Variants in IL17RA observed in about 807,000 individuals in gnomAD.
IL17RA encodes interleukin-17 receptor A.
In IL17RA, 34 loss-of-function variants were observed where a neutral mutation model predicts 50.4. The ratio of observed to expected loss-of-function variants is 0.67; its 90% CI spans 0.51 to 0.90. IL17RA has a LOEUF of 0.90. Ranked by LOEUF, IL17RA falls within the 40% of genes least tolerant of loss-of-function variation. The pLI, the probability that IL17RA is intolerant of heterozygous loss-of-function variation, is 0.00. For missense variants in IL17RA, 1,276 were observed against 1,169.8 expected, an observed-to-expected ratio of 1.09 and a Z score of -1.32; for synonymous variants, 585 against 510.4, an observed-to-expected ratio of 1.15 and a Z score of -1.97.
At position 17,098,902 on chromosome 22, in the gene IL17RA, C is replaced by T. The variant is rs1483211235; in HGVS notation, c.423+15C>T. On this transcript the variant is annotated intron_variant, in intron 4 of 12. Coordinates refer to ENST00000319363, the MANE Select transcript of IL17RA (RefSeq NM_014339.7). ...ACCACAGGCGGGTAAGAACACAGCT[C>T]CTGAGTGGATTATGTTCCACTGATG... 2.5e-6 allele frequency: 4 copies of T among 1,594,272 alleles called. No homozygotes were observed. The African/African-American group carries it at 4.0e-5, about 16-fold the overall frequency.
intron 1 of IL17RA, among the ~76,000 whole-genome samples, chr22:17,095,741 T>G (rs1326462710): frequency 6.6e-6 from 1 of 150,790 alleles, no homozygotes; most frequent in South Asian, 2.1e-4. Context: ...TGGGAACATG[T>G]GCGGAGCCCC....
chr22:17,094,675 C>CTATATATATA (rs1568917420), intron 1 of IL17RA, among the ~76,000 whole-genome samples: 9 of 49,334 alleles, frequency 1.8e-4, no homozygotes, highest in Non-Finnish European at 3.1e-4. Flanking sequence ...CTCTCTCTCT[C>CTATATATATA]TCTCTCTCTC....
chr22:17,112,310 T>G lies in IL17RA; in HGVS notation c.*2490T>G, dbSNP rs987610182. 3 of 152,240 alleles carry G rather than the reference T, an allele frequency of 2.0e-5. No individual in the cohort carries two copies. Among genetic ancestry groups the G allele is most frequent in the Non-Finnish European group, 4.4e-5 (3 of 68,068 alleles). The allele number at this position is 152,240 out of a possible 1,614,324, so 9.4% of individuals were successfully genotyped here. Reference sequence around the variant, plus strand: ...ACAGCTTTATTGGAGTACAGTTCACTTACCATACAATCCACAATTGACCCT... The same window carrying G: ...ACAGCTTTATTGGAGTACAGTTCACGTACCATACAATCCACAATTGACCCT... On this transcript the variant is annotated 3_prime_UTR_variant, in exon 13 of 13. Coordinates refer to ENST00000319363, the MANE Select transcript of IL17RA (RefSeq NM_014339.7).
At position 17,108,766 on chromosome 22, in the gene IL17RA, T is replaced by A; in HGVS notation, c.1547T>A (p.Leu516Gln). 1 of 1,610,046 alleles carries A rather than the reference T, an allele frequency of 6.2e-7. No individual in the cohort carries two copies. Among genetic ancestry groups the A allele is most frequent in the Non-Finnish European group, 8.5e-7 (1 of 1,178,494 alleles). The stretch of plus-strand genomic sequence containing the variant: ...AGCTGTGACGGCGACGTCCCCGACC[T>A]GTTCGGCGCGGCGCCGCGGTACCCG... The part of the protein sequence containing the change: ...EVSCDGDVPD[L>Q]FGAAPRYPLM... The change falls in exon 13 of 13, where the codon CTG (leucine) becomes CAG (glutamine). Residue 516 changes from leucine to glutamine, a missense_variant. Leu to Gln is a moderately radical substitution (Grantham distance 113). Transcript: ENST00000319363.
intron 1 of IL17RA, among the ~76,000 whole-genome samples, chr22:17,087,217 G>A (rs770754012): frequency 6.6e-5 from 10 of 152,238 alleles, no homozygotes; most frequent in Non-Finnish European, 1.3e-4. Flanking sequence ...ATGTGGTATA[G>A]TGAGGGGAGG....
At chr22:17,088,942 C>T (rs2061338210) in intron 1 of IL17RA, among the ~76,000 whole-genome samples, 1 of 151,786 alleles carries the variant, frequency 6.6e-6, no homozygotes, top group Non-Finnish European at 1.5e-5. Flanking sequence ...ATTACAGGTG[C>T]GCACCACCAC....
Position 17,098,765 on chromosome 22 carries a change from T to A in IL17RA, c.311-10T>A, listed in dbSNP as rs1209181037. On this transcript the variant is annotated splice_polypyrimidine_tract_variant and intron_variant, in intron 3 of 12. Transcript: ENST00000319363. ...GCATCTGTTTGTCTTCTCTTCTCCC[T>A]CTCCTGCAGCCAGCATCCTGTACCT... 3.1e-6 allele frequency: 5 copies of A among 1,611,188 alleles called. No individual in the cohort carries two copies. The highest frequency in any genetic ancestry group is 3.3e-4 in the Middle Eastern group (2 of 6,034).
At chr22:17,096,941 A>T (rs2061370518) in intron 1 of IL17RA, 121 bp from the exon 2 acceptor site, 1 of 884,610 alleles carries the variant, frequency 1.1e-6, no homozygotes, top group African/African-American at 1.6e-5. Flanking sequence ...TTCCCCAAAA[A>T]GTGAGAAGGG....
rs1314729433 is a variant in IL17RA, at chr22:17,105,617, C to G, written c.943+15C>G. On this transcript the variant is annotated intron_variant, in intron 10 of 12. Transcript: ENST00000319363. Reference sequence around the variant, plus strand: ...ACCAATTCCGGGTAAGCTTGGATCTCTCTCCGACAGCACTGCAGCCCTCAG... The same window carrying G: ...ACCAATTCCGGGTAAGCTTGGATCTGTCTCCGACAGCACTGCAGCCCTCAG... 2 of 1,613,186 alleles carry G rather than the reference C, an allele frequency of 1.2e-6. No individual in the cohort carries two copies. Among genetic ancestry groups the G allele is most frequent in the Admixed American group, 1.7e-5 (1 of 60,028 alleles).
Position 17,115,692 on chromosome 22 carries a change from C to T in IL17RA, c.*5872C>T, listed in dbSNP as rs1402307929. 6.6e-6 allele frequency: 1 copy of T among 152,202 alleles called. No homozygotes were observed. Among genetic ancestry groups the T allele is most frequent in the East Asian group, 1.9e-4 (1 of 5,204 alleles). The allele number at this position is 152,202 out of a possible 1,614,324, so 9.4% of individuals were successfully genotyped here. Reference sequence around the variant, plus strand: ...GTTAAAATAAAACCAAACAAAAACCCATGGCCTTGTTCTTCTTATTCATAC... The same window carrying T: ...GTTAAAATAAAACCAAACAAAAACCTATGGCCTTGTTCTTCTTATTCATAC... On this transcript the variant is annotated 3_prime_UTR_variant, in exon 13 of 13. Coordinates refer to ENST00000319363, the MANE Select transcript of IL17RA (RefSeq NM_014339.7).
At position 17,111,062 on chromosome 22, in the gene IL17RA, TGAGAGAGATCGGGGTGGGGGG is replaced by T. The variant is rs1364717988; in HGVS notation, c.*1243_*1263del. 2 of 102,820 alleles carry T rather than the reference TGAGAGAGATCGGGGTGGGGGG, an allele frequency of 1.9e-5. No homozygotes were observed. The highest frequency in any genetic ancestry group is 7.8e-5 in the African/African-American group (2 of 25,504). The allele number at this position is 102,820 out of a possible 1,614,324, so 6.4% of individuals were successfully genotyped here. On this transcript the variant is annotated 3_prime_UTR_variant, in exon 13 of 13. Transcript: ENST00000319363. ...GCCTGGAGGGGAAGGAGGGAGGCAG[TGAGAGAGATCGGGGTGGGGGG>T]TGGGGGGATGTCGCCAGAGCTCAGG...
At chr22:17,100,230 G>GTTGTTGCT in intron 4 of IL17RA, 125 bp from the exon 5 acceptor site, 1 of 1,167,534 alleles carries the variant, frequency 8.6e-7, no homozygotes, top group South Asian at 1.2e-5. Context: ...TTTTGCTGTG[G>GTTGTTGCT]TTGTTGCTTT....
At chr22:17,106,390 C>G (rs1292502539) in intron 11 of IL17RA, among the ~76,000 whole-genome samples, 1 of 152,200 alleles carries the variant, frequency 6.6e-6, no homozygotes, top group African/African-American at 2.4e-5. Context: ...GGGGTGGACC[C>G]CAGCCCCACC....
At chr22:17,108,066 T>G (rs1427758582) in intron 12 of IL17RA, among the ~76,000 whole-genome samples, 1 of 152,242 alleles carries the variant, frequency 6.6e-6, no homozygotes, top group African/African-American at 2.4e-5. Context: ...AAGTATAGGC[T>G]AAAGACCAGC....
chr22:17,103,075 G>C (rs932425339), intron 7 of IL17RA, among the ~76,000 whole-genome samples: 2 of 152,248 alleles, frequency 1.3e-5, no homozygotes, highest in Non-Finnish European at 2.9e-5. Flanking sequence ...CTGGGAGGCA[G>C]AGGTTGTAGT....
At chr22:17,092,723 T>TTTTC (rs56385877) in intron 1 of IL17RA, among the ~76,000 whole-genome samples, 127,248 of 151,536 alleles carry the variant, frequency 0.84, 54,167 homozygotes, top group African/African-American at 0.96. Flanking sequence ...TTCCAGAATA[T>TTTTC]TTTCTTTCTT....
rs750095319 is a variant in IL17RA, at chr22:17,105,618, T to C, written c.943+16T>C. ...CCAATTCCGGGTAAGCTTGGATCTC[T>C]CTCCGACAGCACTGCAGCCCTCAGG... On this transcript the variant is annotated intron_variant, in intron 10 of 12. Transcript: ENST00000319363. The C allele has an allele frequency of 1.9e-6, 3 of 1,613,126 alleles. No homozygotes were observed. Among genetic ancestry groups the C allele is most frequent in the Non-Finnish European group, 2.5e-6 (3 of 1,179,108 alleles).
intron 4 of IL17RA, among the ~76,000 whole-genome samples, chr22:17,099,783 G>A (rs775613346): frequency 2.0e-5 from 3 of 152,138 alleles, no homozygotes; most frequent in Non-Finnish European, 4.4e-5. Context: ...TGGAGTCGAT[G>A]TCTGTAATCT....
At chr22:17,100,144 A>T (rs1354496912) in intron 4 of IL17RA, among the ~76,000 whole-genome samples, 1 of 85,346 alleles carries the variant, frequency 1.2e-5, no homozygotes, top group African/African-American at 7.0e-5. Flanking sequence ...CCAGGTTTAA[A>T]AAAAAAAAAA....
Sources: gnomAD v4.1 joint callset for allele counts (sites outside exome capture counted in the v4.1 genomes callset) on GRCh38, gnomAD v4.1.1 for gene constraint, MANE v1.5 for transcripts, NCBI Gene and HGNC (gene_info 2026-07-23, HGNC 2026-07-21) for gene names.